The following TRPM3 variants were observed in gnomAD, a reference collection of about 807,000 sequenced individuals.
TRPM3 encodes the protein long transient receptor potential channel 3.
In TRPM3, 77 loss-of-function variants were observed where a neutral mutation model predicts 181.2. The observed-to-expected ratio is 0.42, with a 90% CI of 0.35 to 0.51. TRPM3 has a LOEUF of 0.51. TRPM3 is among the 20% of genes least tolerant of loss of function. The pLI, the probability that TRPM3 is intolerant of heterozygous loss-of-function variation, is 0.01. For missense variants in TRPM3, 1,759 were observed against 2,196.7 expected, an observed-to-expected ratio of 0.80 and a Z score of 3.98; for synonymous variants, 745 against 796.4, an observed-to-expected ratio of 0.94 and a Z score of 1.09.
chr9:71,431,747 A>G (rs1218952775), intron 1 of TRPM3, among the ~76,000 whole-genome samples: 1 of 152,234 alleles, frequency 6.6e-6, no homozygotes, highest in South Asian at 2.1e-4. Context: ...GTGCATCAAA[A>G]TAAAACCCAC....
intron 6 of TRPM3, among the ~76,000 whole-genome samples, chr9:70,822,306 C>T (rs998055672): frequency 2.6e-5 from 4 of 152,176 alleles, no homozygotes; most frequent in Non-Finnish European, 5.9e-5. Context: ...TCCTTAGGGG[C>T]TTTCATGTTG....
At chr9:71,096,593 CTCT>C (rs2067300159) in intron 1 of TRPM3, among the ~76,000 whole-genome samples, 1 of 100,034 alleles carries the variant, frequency 1.0e-5, no homozygotes, top group Non-Finnish European at 2.4e-5. Flanking sequence ...CACACACACT[CTCT>C]CTCTCTCTCT....
At chr9:71,143,952 G>A (rs570111867) in intron 1 of TRPM3, among the ~76,000 whole-genome samples, 1 of 152,194 alleles carries the variant, frequency 6.6e-6, no homozygotes, top group South Asian at 2.1e-4. Context: ...GTGATGTTGA[G>A]CTTTCCATAT....
chr9:71,026,539 C>T (rs1310556022), intron 1 of TRPM3, among the ~76,000 whole-genome samples: 1 of 152,206 alleles, frequency 6.6e-6, no homozygotes, highest in Non-Finnish European at 1.5e-5. Flanking sequence ...ACTCTTCCTT[C>T]CCTTCCCTGC....
intron 5 of TRPM3, among the ~76,000 whole-genome samples, chr9:70,836,097 A>G (rs2094302887): frequency 2.0e-5 from 3 of 152,162 alleles, no homozygotes; most frequent in South Asian, 4.2e-4. Flanking sequence ...TAAATGATAA[A>G]CCTCCAGGTT....
At chr9:71,345,004 G>C (rs1400698128) in intron 1 of TRPM3, among the ~76,000 whole-genome samples, 1 of 152,150 alleles carries the variant, frequency 6.6e-6, no homozygotes, top group Non-Finnish European at 1.5e-5. Context: ...CATCATCACT[G>C]GTCATTAGAG....
Position 70,535,670 on chromosome 9 carries a change from G to A in TRPM3, c.*283C>T, listed in dbSNP as rs1339420228. 2.4e-5 allele frequency: 35 copies of A among 1,439,844 alleles called. No individual in the cohort carries two copies. Among genetic ancestry groups the A allele is most frequent in the East Asian group, 5.0e-5 (2 of 40,104 alleles). The allele number at this position is 1,439,844 out of a possible 1,614,324, so 89.2% of individuals were successfully genotyped here. ...TCTCATGGCTTTCTGCTGTGACTGC[G>A]GATACACATTCATCTCTAACCCTTC... On this transcript the variant is annotated 3_prime_UTR_variant, in exon 26 of 26. Transcript: ENST00000677713.
chr9:70,803,047 A>C (rs1182150438), intron 6 of TRPM3, among the ~76,000 whole-genome samples: 7 of 146,824 alleles, frequency 4.8e-5, no homozygotes, highest in East Asian at 1.9e-4. Flanking sequence ...AAAAAAAAAA[A>C]AAAAAAAAAA....
chr9:71,091,613 T>A (rs1010873859), intron 1 of TRPM3, among the ~76,000 whole-genome samples: 1 of 152,100 alleles, frequency 6.6e-6, no homozygotes, highest in African/African-American at 2.4e-5. Flanking sequence ...TTTAGCAACA[T>A]TGTGCACCTG....
chr9:70,811,799 C>A (rs1048473437), intron 6 of TRPM3, among the ~76,000 whole-genome samples: 2 of 152,086 alleles, frequency 1.3e-5, no homozygotes, highest in Non-Finnish European at 2.9e-5. Flanking sequence ...TACCCAGTTT[C>A]TTTTCTTTTC....
intron 8 of TRPM3, among the ~76,000 whole-genome samples, chr9:70,747,077 C>A (rs113251365): frequency 5.9e-5 from 9 of 152,180 alleles, no homozygotes; most frequent in Admixed American, 5.2e-4. Context: ...CATTCATTCA[C>A]TCACTTATTT....
intron 6 of TRPM3, among the ~76,000 whole-genome samples, chr9:70,820,567 G>A (rs1001344394): frequency 3.3e-5 from 5 of 152,124 alleles, no homozygotes; most frequent in African/African-American, 9.7e-5. Context: ...GGGCTCTGAT[G>A]GGCTTTGAGA....
chr9:71,257,875 C>T (rs2082771684), intron 1 of TRPM3, among the ~76,000 whole-genome samples: 2 of 152,142 alleles, frequency 1.3e-5, no homozygotes, highest in African/African-American at 4.8e-5. Context: ...AGTCTAATTT[C>T]TTCACATTCT....
chr9:70,905,887 G>A (rs190138444), intron 1 of TRPM3, among the ~76,000 whole-genome samples: 72 of 152,186 alleles, frequency 4.7e-4, no homozygotes, highest in Non-Finnish European at 7.6e-4. Context: ...ACAGATGTAC[G>A]TCAAAATGCC....
intron 8 of TRPM3, among the ~76,000 whole-genome samples, chr9:70,682,268 A>G (rs2065651111): frequency 6.6e-6 from 1 of 152,168 alleles, no homozygotes; most frequent in Admixed American, 6.5e-5. Flanking sequence ...TTATGTAAAT[A>G]CATAAAATAA....
chr9:71,078,229 A>G (rs912995946), intron 1 of TRPM3, among the ~76,000 whole-genome samples: 1 of 152,156 alleles, frequency 6.6e-6, no homozygotes, highest in Non-Finnish European at 1.5e-5. Flanking sequence ...TTGAAACGAA[A>G]TATACAGATA....
chr9:71,084,250 C>T (rs1380837731), intron 1 of TRPM3, among the ~76,000 whole-genome samples: 8 of 151,834 alleles, frequency 5.3e-5, no homozygotes, highest in Non-Finnish European at 1.0e-4. Context: ...CAATGAGCCA[C>T]GTAGTATATT....
At chr9:70,568,125 T>C (rs1254808748) in intron 22 of TRPM3, among the ~76,000 whole-genome samples, 2 of 152,354 alleles carry the variant, frequency 1.3e-5, no homozygotes, top group East Asian at 3.9e-4. Context: ...GATGCAATTC[T>C]ACTTAAGGTG....
chr9:71,066,631 T>C (rs1277862511), intron 1 of TRPM3, among the ~76,000 whole-genome samples: 1 of 152,216 alleles, frequency 6.6e-6, no homozygotes, highest in Non-Finnish European at 1.5e-5. Flanking sequence ...TGTTGCTGTA[T>C]AATTAACAAC....
Sources: gnomAD v4.1 joint callset for allele counts (sites outside exome capture counted in the v4.1 genomes callset) on GRCh38, gnomAD v4.1.1 for gene constraint, MANE v1.5 for transcripts, NCBI Gene and HGNC (gene_info 2026-07-23, HGNC 2026-07-21) for gene names.